Variants in SENP7 observed in about 807,000 individuals in gnomAD.
SENP7 encodes the protein SUMO specific peptidase 7, also known as sentrin-specific protease 7.
In SENP7, 64 loss-of-function variants were observed where a neutral mutation model predicts 141.2. The observed-to-expected ratio is 0.45, with a 90% CI of 0.37 to 0.56. The LOEUF (loss-of-function observed/expected upper bound fraction) is 0.56. Ranked by LOEUF, SENP7 falls within the 20% of genes least tolerant of loss-of-function variation. The pLI, the probability that SENP7 is intolerant of heterozygous loss-of-function variation, is 0.00. For missense variants in SENP7, 1,025 were observed against 1,212.2 expected (o/e 0.85, Z 2.29); for synonymous variants, 382 against 426.4 (o/e 0.90, Z 1.28).
intron 5 of SENP7, among the ~76,000 whole-genome samples, chr3:101,408,692 C>T (rs1405047404): frequency 6.6e-6 from 1 of 152,140 alleles, no homozygotes; most frequent in Non-Finnish European, 1.5e-5. Context: ...CCCATGATCA[C>T]CTCAATCGAT....
At chr3:101,394,149 T>C (rs1331675027) in intron 6 of SENP7, among the ~76,000 whole-genome samples, 1 of 152,232 alleles carries the variant, frequency 6.6e-6, no homozygotes, top group Non-Finnish European at 1.5e-5. Context: ...TTCTACTCTC[T>C]GCCTCTATGA....
chr3:101,383,408 G>T (rs1432600313), intron 6 of SENP7, among the ~76,000 whole-genome samples: 1 of 152,188 alleles, frequency 6.6e-6, no homozygotes, highest in African/African-American at 2.4e-5. Context: ...ACAGGCAGAA[G>T]CCCCACCCTC....
At chr3:101,380,458 C>CACACACAA (rs747202619) in intron 6 of SENP7, among the ~76,000 whole-genome samples, 1 of 136,150 alleles carries the variant, frequency 7.3e-6, no homozygotes, top group Non-Finnish European at 1.6e-5. Context: ...CACACACACA[C>CACACACAA]AAAACAAAAC....
intron 4 of SENP7, among the ~76,000 whole-genome samples, chr3:101,444,901 T>G (rs1019025783): frequency 1.3e-5 from 2 of 150,740 alleles, no homozygotes; most frequent in Non-Finnish European, 2.9e-5. Context: ...ATAATAATAA[T>G]AAATGAATAA....
intron 4 of SENP7, among the ~76,000 whole-genome samples, chr3:101,426,968 A>G (rs149834932): frequency 6.6e-6 from 1 of 152,320 alleles, no homozygotes; most frequent in African/African-American, 2.4e-5. Context: ...TCTGCATAAT[A>G]ACTAGCTAAC....
chr3:101,450,501 A>T (rs1234759040), intron 4 of SENP7, among the ~76,000 whole-genome samples: 1 of 152,236 alleles, frequency 6.6e-6, no homozygotes, highest in East Asian at 1.9e-4. Context: ...AACAGAAATT[A>T]TAACAAACTG....
At chr3:101,405,903 G>C (rs1576245622) in intron 5 of SENP7, among the ~76,000 whole-genome samples, 1 of 152,022 alleles carries the variant, frequency 6.6e-6, no homozygotes, top group Non-Finnish European at 1.5e-5. Context: ...AAGAAAATAT[G>C]AACAAAGCCT....
chr3:101,445,565 T>C (rs913143289), intron 4 of SENP7, among the ~76,000 whole-genome samples: 2 of 152,002 alleles, frequency 1.3e-5, no homozygotes, highest in African/African-American at 4.8e-5. Context: ...ATAACAACCT[T>C]ACATGTAAAT....
At chr3:101,445,382 CA>C (rs2062850226) in intron 4 of SENP7, among the ~76,000 whole-genome samples, 1 of 151,538 alleles carries the variant, frequency 6.6e-6, no homozygotes, top group East Asian at 1.9e-4. Flanking sequence ...TGAAAACACA[CA>C]AAAGTATAAA....
chr3:101,437,290 A>G (rs2062427711), intron 4 of SENP7, among the ~76,000 whole-genome samples: 1 of 152,208 alleles, frequency 6.6e-6, no homozygotes, highest in Admixed American at 6.5e-5. Flanking sequence ...TAGAATGAAT[A>G]AAACCTACTA....
chr3:101,512,974 T>TCCCCCCCC, intron 1 of SENP7, 117 bp downstream of exon 1: 2 of 1,181,152 alleles, frequency 1.7e-6, no homozygotes, highest in South Asian at 1.2e-5. Context: ...CCCCTTCCTC[T>TCCCCCCCC]CCCCGCCCCC....
At chr3:101,411,916 A>G (rs147062171) in intron 5 of SENP7, among the ~76,000 whole-genome samples, 2 of 152,294 alleles carry the variant, frequency 1.3e-5, no homozygotes, top group African/African-American at 2.4e-5. Flanking sequence ...AGGTAGCAGA[A>G]AGTATACTGG....
At chr3:101,381,916 G>A (rs1401963733) in intron 6 of SENP7, among the ~76,000 whole-genome samples, 1 of 151,942 alleles carries the variant, frequency 6.6e-6, no homozygotes, top group Non-Finnish European at 1.5e-5. Flanking sequence ...AATTACCAAA[G>A]GAAAGCTTAA....
chr3:101,430,783 C>T (rs1048857952), intron 4 of SENP7, among the ~76,000 whole-genome samples: 4 of 152,022 alleles, frequency 2.6e-5, no homozygotes, highest in African/African-American at 4.8e-5. Context: ...GTTAGGGTGT[C>T]GATTTTAGAT....
intron 3 of SENP7, among the ~76,000 whole-genome samples, chr3:101,488,479 G>A (rs566712702): frequency 1.3e-5 from 2 of 152,178 alleles, no homozygotes; most frequent in African/African-American, 4.8e-5. Context: ...AAGAATGGGA[G>A]AGAATACGCA....
At position 101,361,169 on chromosome 3, in the gene SENP7, C is replaced by T. The variant is rs541461957; in HGVS notation, c.1623+546G>A. Among the ~76,000 whole-genome samples the T allele has an allele frequency of 2.6e-5, 4 of 151,586 alleles. 1 individual carries two copies. Among genetic ancestry groups the T allele is most frequent in the African/African-American group, 7.3e-5 (3 of 41,316 alleles). On this transcript the variant is annotated intron_variant, in intron 11 of 23. Transcript: ENST00000394095. ...GCAGTGAGCCAAGATCAGTGGAGTG[C>T]GCCCCTGCACTCCAGCCTGGGTGAA...
At chr3:101,380,535 G>A (rs2060473655) in intron 6 of SENP7, among the ~76,000 whole-genome samples, 1 of 149,584 alleles carries the variant, frequency 6.7e-6, no homozygotes, top group Non-Finnish European at 1.5e-5. Context: ...GTGCTACTTC[G>A]AAGGCTGACT....
Position 101,326,188 on chromosome 3 carries a change from A to T in SENP7, c.3016-108T>A, listed in dbSNP as rs1461782175. ...AAATTGCTAACTTTTTTAAAATAAC[A>T]ATTATATTAAGATATAATTCACATA... On this transcript the variant is annotated intron_variant, in intron 23 of 23. Coordinates refer to ENST00000394095, the MANE Select transcript of SENP7 (RefSeq NM_020654.5). The T allele has an allele frequency of 3.5e-6, 3 of 865,080 alleles. No homozygotes were observed. The African/African-American group carries it at 5.2e-5, about 15-fold the overall frequency. 53.6% of individuals were successfully genotyped at this position (865,080 alleles called of 1,614,324 possible). A position where few individuals can be genotyped will look rare whatever the true frequency, so the allele number is the denominator to read the frequency against.
chr3:101,406,343 A>C (rs2061303836), intron 5 of SENP7, among the ~76,000 whole-genome samples: 3 of 152,076 alleles, frequency 2.0e-5, no homozygotes. Context: ...ACAAAAAACC[A>C]AACACCGCAT....
Sources: allele counts gnomAD v4.1 joint callset (sites outside exome capture counted in the v4.1 genomes callset), GRCh38; gene constraint gnomAD v4.1.1; transcripts MANE v1.5; gene names NCBI Gene and HGNC (gene_info 2026-07-23, HGNC 2026-07-21).